Variants in COLEC12 observed in about 807,000 individuals in gnomAD.
COLEC12 encodes the protein collectin subfamily member 12, also known as collectin-12.
In COLEC12, 33 loss-of-function variants were observed where a neutral mutation model predicts 71.1. That is an observed-to-expected ratio of 0.46 (90% CI 0.35 to 0.62). The LOEUF is 0.62. COLEC12 is among the 20% of genes least tolerant of loss of function. The pLI is 0.00. For synonymous variants in COLEC12, 350 were observed against 353.0 expected (o/e 0.99, Z 0.10); for missense variants, 765 against 916.1 (o/e 0.84, Z 2.13).
chr18:496,530 A>G (rs1192669935), intron 1 of COLEC12, among the ~76,000 whole-genome samples: 1 of 152,196 alleles, frequency 6.6e-6, no homozygotes, highest in Non-Finnish European at 1.5e-5. Flanking sequence ...GTTAAATGCA[A>G]TTGCCTTTAT....
At chr18:402,496 G>A (rs533775592) in intron 2 of COLEC12, among the ~76,000 whole-genome samples, 171 of 151,450 alleles carry the variant, frequency 1.1e-3, no homozygotes, top group African/African-American at 3.9e-3. Context: ...TATGAAAGAG[G>A]GTACTTTTAA....
intron 2 of COLEC12, among the ~76,000 whole-genome samples, chr18:421,480 G>A (rs1384853268): frequency 1.3e-5 from 2 of 152,062 alleles, no homozygotes; most frequent in Admixed American, 6.6e-5. Context: ...CTGCTTGTAG[G>A]CTGATGAGGC....
intron 2 of COLEC12, among the ~76,000 whole-genome samples, chr18:405,269 A>G (rs896526631): frequency 1.3e-5 from 2 of 152,086 alleles, no homozygotes; most frequent in African/African-American, 2.4e-5. Context: ...ACCCTTATGA[A>G]TAGTTCTGCT....
rs1255652058 is a variant in COLEC12, at chr18:480,856, A to G, written c.8-99T>C. On this transcript the variant is annotated intron_variant, in intron 1 of 9. Coordinates refer to ENST00000400256, the MANE Select transcript of COLEC12 (RefSeq NM_130386.3). The surrounding 1 kb of genome is among the most constrained non-coding windows in gnomAD (Gnocchi z 4.1). ...CTGCTTCATCGCCCCTGCTTGTCAC[A>G]GCAGCTTTCCTTCTGCTCGTGGATC... 28 of 1,045,300 alleles carry G rather than the reference A, an allele frequency of 2.7e-5. No homozygotes were observed. Among genetic ancestry groups the G allele is most frequent in the Non-Finnish European group, 3.9e-5 (26 of 662,224 alleles). The allele number at this position is 1,045,300 out of a possible 1,614,324, so 64.8% of individuals were successfully genotyped here. A position where few individuals can be genotyped will look rare whatever the true frequency, so the allele number is the denominator to read the frequency against.
At chr18:357,999 G>A (rs1378224377) in intron 2 of COLEC12, among the ~76,000 whole-genome samples, 1 of 152,210 alleles carries the variant, frequency 6.6e-6, no homozygotes, top group Non-Finnish European at 1.5e-5. Flanking sequence ...GATTCTCTTA[G>A]GAGCGTGAAC....
rs538209637 is a variant in COLEC12, at chr18:345,920, A to G, written c.1327+375T>C. On this transcript the variant is annotated intron_variant, in intron 5 of 9. Transcript: ENST00000400256. ...GCTTCTGAGGCTAGTATGTCATGGT[A>G]TCTTCCTTCTTGTTCTCTCTCTTGA... Among the ~76,000 whole-genome samples, 5 of 152,346 alleles carry G rather than the reference A, an allele frequency of 3.3e-5. No homozygotes were observed. In the East Asian group the frequency reaches 7.7e-4, roughly 24 times the overall value.
At chr18:440,402 T>C (rs62089980) in intron 2 of COLEC12, among the ~76,000 whole-genome samples, 25,227 of 145,348 alleles carry the variant, frequency 0.17, 2,630 homozygotes, top group Non-Finnish European at 0.25. Context: ...CACACACACA[T>C]ACACAGGTAA....
At chr18:419,562 T>C (rs1916057043) in intron 2 of COLEC12, among the ~76,000 whole-genome samples, 1 of 152,250 alleles carries the variant, frequency 6.6e-6, no homozygotes, top group Admixed American at 6.5e-5. Context: ...AAAATGTTTC[T>C]ATCAAAACGT....
At chr18:379,095 CT>C (rs1280231542) in intron 2 of COLEC12, among the ~76,000 whole-genome samples, 1 of 151,898 alleles carries the variant, frequency 6.6e-6, no homozygotes, top group Non-Finnish European at 1.5e-5. Context: ...TTTTTATCTC[CT>C]TTTATTAGGA....
chr18:343,175 C>G (rs1239008924), intron 5 of COLEC12, among the ~76,000 whole-genome samples: 21 of 152,074 alleles, frequency 1.4e-4, no homozygotes. Flanking sequence ...ACAAGTGCCT[C>G]TTGGCTGCCC....
At position 368,722 on chromosome 18, in the gene COLEC12, C is replaced by T. The variant is rs559262539; in HGVS notation, c.59-11200G>A. On this transcript the variant is annotated intron_variant, in intron 2 of 9. Coordinates refer to ENST00000400256, the MANE Select transcript of COLEC12 (RefSeq NM_130386.3). ...CACTAAAAAATACAAAAAAATTAGC[C>T]GGGCGTGGTGGCGGGCGCCTGTAGT... Among the ~76,000 whole-genome samples, 8 of 151,298 alleles carry T rather than the reference C, an allele frequency of 5.3e-5. 1 individual carries two copies. In the South Asian group the frequency reaches 6.3e-4, roughly 12 times the overall value.
intron 3 of COLEC12, among the ~76,000 whole-genome samples, chr18:355,363 G>A (rs947276293): frequency 2.0e-5 from 3 of 152,062 alleles, no homozygotes; most frequent in Non-Finnish European, 4.4e-5. Flanking sequence ...AGGGTGGGAG[G>A]GAGGCACTTT....
At chr18:357,994 T>C (rs956928233) in intron 2 of COLEC12, among the ~76,000 whole-genome samples, 1 of 152,216 alleles carries the variant, frequency 6.6e-6, no homozygotes, top group African/African-American at 2.4e-5. Context: ...CATTAGATTC[T>C]CTTAGGAGCG....
chr18:450,984 C>T lies in COLEC12; in HGVS notation c.58+29723G>A, dbSNP rs1248928089. ...TGCTTTAGGGATCTGTAGAACTTTGCACTTAAGAGTGATGATTTAGGGTAT... is the reference window on the plus strand; with the variant it reads ...TGCTTTAGGGATCTGTAGAACTTTGTACTTAAGAGTGATGATTTAGGGTAT... On this transcript the variant is annotated intron_variant, in intron 2 of 9. Coordinates refer to ENST00000400256, the MANE Select transcript of COLEC12 (RefSeq NM_130386.3). 2.6e-5 allele frequency among the ~76,000 whole-genome samples: 4 copies of T among 152,346 alleles called. No homozygotes were observed. The East Asian group carries it at 7.7e-4, about 29-fold the overall frequency.
chr18:390,549 T>C lies in COLEC12; in HGVS notation c.59-33027A>G, dbSNP rs559026679. Among the ~76,000 whole-genome samples the C allele has an allele frequency of 3.9e-5, 6 of 152,148 alleles. No individual in the cohort carries two copies. In the South Asian group the frequency reaches 1.2e-3, roughly 32 times the overall value. ...GGCAAGGTGGGCAGATCACCCGAGG[T>C]CGGGAGTTCGAGACCAGACTGGCCA... On this transcript the variant is annotated intron_variant, in intron 2 of 9. Transcript: ENST00000400256.
intron 1 of COLEC12, among the ~76,000 whole-genome samples, chr18:493,132 A>G (rs895184674): frequency 1.3e-5 from 2 of 152,178 alleles, no homozygotes; most frequent in Non-Finnish European, 1.5e-5. Flanking sequence ...GCTCGAACCC[A>G]AGAGACAGAG....
intron 2 of COLEC12, among the ~76,000 whole-genome samples, chr18:443,185 G>A (rs540485071): frequency 8.5e-5 from 13 of 152,218 alleles, no homozygotes; most frequent in African/African-American, 2.9e-4. Context: ...CAATTGCTTT[G>A]TAAGCTCTTA....
chr18:431,754 C>T (rs574480374), intron 2 of COLEC12, among the ~76,000 whole-genome samples: 2 of 152,122 alleles, frequency 1.3e-5, no homozygotes, highest in African/African-American at 2.4e-5. Flanking sequence ...TACTGGTCCT[C>T]GGTTCCCTTC....
chr18:357,644 T>C, intron 2 of COLEC12, 122 bp from the exon 3 acceptor site: 1 of 727,844 alleles, frequency 1.4e-6, no homozygotes, highest in Non-Finnish European at 2.2e-6. Flanking sequence ...TACTATACTA[T>C]GAGAACTATT....
Sources: allele counts gnomAD v4.1 joint callset (sites outside exome capture counted in the v4.1 genomes callset), GRCh38; gene constraint gnomAD v4.1.1; non-coding constraint Gnocchi (gnomAD v3.1); transcripts MANE v1.5; gene names NCBI Gene and HGNC (gene_info 2026-07-23, HGNC 2026-07-21).